The following PDE1A variants were observed in gnomAD, a reference collection of about 807,000 sequenced individuals.
The protein encoded by PDE1A is dual specificity calcium/calmodulin-dependent 3',5'-cyclic nucleotide phosphodiesterase 1A.
PDE1A carries 35 observed loss-of-function variants against 61.7 expected under a neutral mutation model. That is an observed-to-expected ratio of 0.57 (90% confidence interval 0.43 to 0.75). PDE1A has a LOEUF of 0.75. Among genes scored for constraint, PDE1A ranks in the 30% least tolerant of loss-of-function variants. The probability of loss-of-function intolerance (pLI) is 0.00; values close to 1 mark genes in which losing one functional copy is unlikely to be tolerated. For synonymous variants in PDE1A, 232 were observed against 213.2 expected, an observed-to-expected ratio of 1.09 and a Z score of -0.77; for missense variants, 597 against 630.6, an observed-to-expected ratio of 0.95 and a Z score of 0.57.
the PDE1A span, among the ~76,000 whole-genome samples, chr2:182,693,168 A>C: frequency 6.6e-6 from 1 of 152,180 alleles, no homozygotes; most frequent in Non-Finnish European, 1.5e-5. Flanking sequence ...TCTTTGTTTC[A>C]AATTTCAAAT....
intron 1 of PDE1A, among the ~76,000 whole-genome samples, chr2:182,277,563 A>G (rs1356366219): frequency 6.6e-6 from 1 of 152,088 alleles, no homozygotes; most frequent in Non-Finnish European, 1.5e-5. Flanking sequence ...CTGCCCCTAC[A>G]TGAGGCAAAC....
At chr2:182,619,443 C>T in the PDE1A span, among the ~76,000 whole-genome samples, 2 of 151,918 alleles carry the variant, frequency 1.3e-5, no homozygotes, top group Admixed American at 1.3e-4. Context: ...TCAAAATGAC[C>T]AGAGAGGAGA....
chr2:182,626,589 T>C, the PDE1A span, among the ~76,000 whole-genome samples: 19 of 149,670 alleles, frequency 1.3e-4, no homozygotes, highest in Admixed American at 1.2e-3. Context: ...GAGAACATTA[T>C]ATAAATACAT....
At chr2:182,301,212 G>A (rs1422874299) in intron 1 of PDE1A, among the ~76,000 whole-genome samples, 1 of 152,024 alleles carries the variant, frequency 6.6e-6, no homozygotes, top group East Asian at 1.9e-4. Flanking sequence ...ACAATATATT[G>A]CATTACCCCA....
downstream of PDE1A, among the ~76,000 whole-genome samples, chr2:182,145,248 G>A (rs1469449279): frequency 6.6e-6 from 1 of 152,052 alleles, no homozygotes; most frequent in African/African-American, 2.4e-5. Context: ...CATAATTAGT[G>A]AACATATAAA....
intron 2 of PDE1A, among the ~76,000 whole-genome samples, chr2:182,479,580 G>A (rs1261246975): frequency 6.6e-6 from 1 of 151,670 alleles, no homozygotes; most frequent in Non-Finnish European, 1.5e-5. Flanking sequence ...ACACATGACT[G>A]ATTTTGATCT....
At chr2:182,211,439 G>A (rs1362470773) in intron 7 of PDE1A, among the ~76,000 whole-genome samples, 1 of 152,148 alleles carries the variant, frequency 6.6e-6, no homozygotes, top group East Asian at 1.9e-4. Flanking sequence ...AAGTCTTAAA[G>A]TTAGGTAGTG....
chr2:182,671,621 C>CTTTTTTT, the PDE1A span, among the ~76,000 whole-genome samples: 2 of 124,306 alleles, frequency 1.6e-5, no homozygotes, highest in African/African-American at 3.1e-5. Flanking sequence ...CTTTCTTTTT[C>CTTTTTTT]TTTTTTTTTT....
chr2:182,349,389 T>A (rs945505872), intron 1 of PDE1A, among the ~76,000 whole-genome samples: 2 of 152,186 alleles, frequency 1.3e-5, no homozygotes, highest in Non-Finnish European at 2.9e-5. Context: ...GTTCTTGGGA[T>A]CTTAACTACA....
intron 1 of PDE1A, among the ~76,000 whole-genome samples, chr2:182,305,619 T>C (rs1041711908): frequency 2.6e-5 from 4 of 152,158 alleles, no homozygotes; most frequent in African/African-American, 9.6e-5. Context: ...TTATAAAGTT[T>C]ATAAAAATCA....
chr2:182,540,566 TAAAAC>T, the PDE1A span, among the ~76,000 whole-genome samples: 1 of 152,112 alleles, frequency 6.6e-6, no homozygotes, highest in South Asian at 2.1e-4. Flanking sequence ...AACTACTTCT[TAAAAC>T]AAATAGTGTC....
At chr2:182,181,369 G>C (rs2125373954) in intron 13 of PDE1A, among the ~76,000 whole-genome samples, 1 of 152,338 alleles carries the variant, frequency 6.6e-6, no homozygotes. Context: ...GTCTGCTGCA[G>C]TTTGATGGGG....
At position 182,192,680 on chromosome 2, in the gene PDE1A, C is replaced by G. The variant is rs527542387; in HGVS notation, c.1126-3620G>C. On this transcript the variant is annotated intron_variant, in intron 10 of 13. Coordinates refer to ENST00000351439, the Ensembl canonical transcript of PDE1A. ...GCTGCCTTCAGGGGGCCAAAATACA[C>G]TTTTAAAAATGAGGAGTAAGTAGAA... Among the ~76,000 whole-genome samples the G allele has an allele frequency of 2.7e-3, 408 of 152,222 alleles. 1 individual carries two copies. The highest frequency in any genetic ancestry group is 9.6e-3 in the African/African-American group (399 of 41,552).
chr2:182,423,813 G>C (rs962670531), intron 1 of PDE1A, among the ~76,000 whole-genome samples: 1 of 151,874 alleles, frequency 6.6e-6, no homozygotes, highest in Non-Finnish European at 1.5e-5. Context: ...GTGGACACTT[G>C]TAGTCAATCA....
At chr2:182,636,342 G>A in the PDE1A span, among the ~76,000 whole-genome samples, 1 of 151,998 alleles carries the variant, frequency 6.6e-6, no homozygotes, top group Non-Finnish European at 1.5e-5. Flanking sequence ...GGAATTCACT[G>A]GGGTTTTTTT....
chr2:182,352,171 C>T (rs113958483), intron 1 of PDE1A, among the ~76,000 whole-genome samples: 9 of 152,180 alleles, frequency 5.9e-5, no homozygotes, highest in Non-Finnish European at 8.8e-5. Flanking sequence ...GGTAATGTTT[C>T]CCATTGGGAC....
At chr2:182,218,741 C>A (rs75392637) in intron 7 of PDE1A, among the ~76,000 whole-genome samples, 22,212 of 151,936 alleles carry the variant, frequency 0.15, 2,090 homozygotes, top group East Asian at 0.31. Context: ...TTCCTGTATA[C>A]CCTGTTGATG....
At chr2:182,639,098 T>C in the PDE1A span, among the ~76,000 whole-genome samples, 2 of 152,302 alleles carry the variant, frequency 1.3e-5, no homozygotes, top group Non-Finnish European at 2.9e-5. Flanking sequence ...ACATACATCA[T>C]AAGTAGATAA....
chr2:182,490,830 G>A (rs906504227), intron 2 of PDE1A, among the ~76,000 whole-genome samples: 5 of 152,146 alleles, frequency 3.3e-5, no homozygotes, highest in Non-Finnish European at 4.4e-5. Flanking sequence ...GTAGGGGATG[G>A]TCTTAGACAG....
Sources: gnomAD v4.1 joint callset for allele counts (sites outside exome capture counted in the v4.1 genomes callset) on GRCh38, gnomAD v4.1.1 for gene constraint, MANE v1.5 for transcripts, NCBI Gene and HGNC (gene_info 2026-07-23, HGNC 2026-07-21) for gene names.